ST6GALNAC1: variants seen among roughly 807,000 people sequenced by gnomAD.
The protein encoded by ST6GALNAC1 is ST6 N-acetylgalactosaminide alpha-2,6-sialyltransferase 1.
In ST6GALNAC1, 45 loss-of-function variants were observed where a neutral mutation model predicts 56.8. The ratio of observed to expected loss-of-function variants is 0.79; its 90% CI spans 0.62 to 1.02. The LOEUF (loss-of-function observed/expected upper bound fraction) is 1.02. Among genes scored for constraint, ST6GALNAC1 ranks in the 50% least tolerant of loss-of-function variants. The pLI is 0.00. For missense variants in ST6GALNAC1, 743 were observed against 754.8 expected, an observed-to-expected ratio of 0.98 and a Z score of 0.18; for synonymous variants, 295 against 297.8, an observed-to-expected ratio of 0.99 and a Z score of 0.10.
At chr17:76,620,844 C>T (rs930465487), downstream of ST6GALNAC1, among the ~76,000 whole-genome samples, 20 of 152,152 alleles carry the variant, frequency 1.3e-4, no homozygotes, top group African/African-American at 4.3e-4. Flanking sequence ...ATCCACCCGC[C>T]TCGGCCTCCC....
chr17:76,629,220 C>T lies in ST6GALNAC1; in HGVS notation c.623G>A (p.Gly208Glu), dbSNP rs748816365. 3.7e-6 allele frequency: 6 copies of T among 1,613,994 alleles called. No individual in the cohort carries two copies. In the Admixed American group the frequency reaches 5.0e-5, roughly 13 times the overall value. ...KSQHRMLAPT[G>E]AVSTRTRQKG... is the part of the protein sequence containing the mutation. ...CTGTCTCGTCCTTGTTGACACTGCT[C>T]CTGTGGGAGCCAGCATTCTGTGCTG... The change falls in exon 2 of 9, where the codon GGA becomes GAA. Residue 208 changes from glycine (G) to glutamate (E), a missense_variant. Physicochemically the swap from Gly to Glu is moderately conservative, Grantham distance 98. Transcript: ENST00000156626.
At chr17:76,622,524 C>G (rs1190575758), downstream of ST6GALNAC1, among the ~76,000 whole-genome samples, 3 of 152,022 alleles carry the variant, frequency 2.0e-5, no homozygotes, top group African/African-American at 7.2e-5. Flanking sequence ...GCCACCATGC[C>G]CAGCTAATTT....
rs765868173 is a variant in ST6GALNAC1, at chr17:76,626,742, C to T, written c.1220G>A (p.Arg407Gln). 28 of 1,613,980 alleles carry T rather than the reference C, an allele frequency of 1.7e-5. No individual in the cohort carries two copies. Among genetic ancestry groups the T allele is most frequent in the African/African-American group, 4.0e-5 (3 of 74,928 alleles). Residue 407 changes from arginine (R) to glutamine (Q), a missense_variant, in exon 5 of 9, where the codon CGG (arginine) becomes CAG (glutamine). Arg to Gln is a conservative substitution (Grantham distance 43). Transcript: ENST00000156626. ...GGCGGTAAAGCCGTAGAAGGATGTC[C>T]GAGTCCCCACATCCTGTTCGTAGCC... Reference protein sequence around the residue: ...IKGYEQDVGTRTSFYGFTAFS... With the variant: ...IKGYEQDVGTQTSFYGFTAFS...
chr17:76,620,214 A>G (rs2075727025), downstream of ST6GALNAC1, among the ~76,000 whole-genome samples: 1 of 148,396 alleles, frequency 6.7e-6, no homozygotes, highest in African/African-American at 2.5e-5. Context: ...CTAATTTTGT[A>G]TTTTTAGTGG....
chr17:76,625,503 C>T lies in ST6GALNAC1; in HGVS notation c.1630G>A (p.Glu544Lys), dbSNP rs2075783856. ...TGATCAGAAAAGCGCTCATGGCCCT[C>T]AGTGATGAAGCCATAAGCACTCACC... is the stretch of plus-strand genomic sequence containing the variant. ...DQVSAYGFIT[E>K]GHERFSDHYY... is the part of the protein sequence containing the mutation. The change falls in exon 9 of 9, where the codon GAG becomes AAG. Residue 544 changes from glutamate to lysine, a missense_variant. Transcript: ENST00000156626. The T allele has an allele frequency of 6.2e-7, 1 of 1,614,030 alleles. No individual in the cohort carries two copies. Among genetic ancestry groups the T allele is most frequent in the East Asian group, 2.2e-5 (1 of 44,874 alleles).
intron 1 of ST6GALNAC1, chr17:76,637,479 G>GT (rs780346236): frequency 7.9e-5 from 29 of 368,478 alleles, no homozygotes; most frequent in Non-Finnish European, 1.4e-4. Context: ...CATCTGTTCT[G>GT]TATTTTTATA....
chr17:76,640,949 CAA>C (rs1260004556), intron 1 of ST6GALNAC1, among the ~76,000 whole-genome samples: 1 of 152,102 alleles, frequency 6.6e-6, no homozygotes, highest in East Asian at 1.9e-4. Context: ...CTCTAAGAAA[CAA>C]AAAGAGGTGG....
chr17:76,638,405 C>G (rs985850473), intron 1 of ST6GALNAC1, among the ~76,000 whole-genome samples: 34 of 151,768 alleles, frequency 2.2e-4, no homozygotes, highest in African/African-American at 8.2e-4. Context: ...GAGACAGAGT[C>G]TTGCTGTGTC....
Position 76,625,874 on chromosome 17 carries a change from T to C in ST6GALNAC1, c.1550A>G (p.Tyr517Cys), listed in dbSNP as rs1598287800. The change falls in exon 8 of 9, where the codon TAC becomes TGC. Residue 517 changes from tyrosine to cysteine, a missense_variant. Tyr to Cys is a radical substitution (Grantham distance 194, BLOSUM62 -2). Transcript: ENST00000156626. Reference sequence around the variant, plus strand: ...CAGGAGGGCCCCAGTGGTGGGGCGGTATATCCTCCAGTGGGCACCATCCAG... The same window carrying C: ...CAGGAGGGCCCCAGTGGTGGGGCGGCATATCCTCCAGTGGGCACCATCCAG... ...KTLDGAHWRI[Y>C]RPTTGALLLL... 6.4e-7 allele frequency: 1 copy of C among 1,555,494 alleles called. No individual in the cohort carries two copies. Among genetic ancestry groups the C allele is most frequent in the South Asian group, 1.2e-5 (1 of 80,910 alleles).
intron 1 of ST6GALNAC1, among the ~76,000 whole-genome samples, chr17:76,632,262 C>T (rs1393867869): frequency 6.6e-6 from 1 of 152,114 alleles, no homozygotes; most frequent in Non-Finnish European, 1.5e-5. Flanking sequence ...TTCCCTATCT[C>T]GAACATTTTC....
downstream of ST6GALNAC1, among the ~76,000 whole-genome samples, chr17:76,620,581 C>CTT (rs557882355): frequency 2.8e-4 from 40 of 142,656 alleles, no homozygotes; most frequent in African/African-American, 4.6e-4. Flanking sequence ...CTTTGTGTTC[C>CTT]TTTTTTTTTT....
chr17:76,621,717 C>T (rs1367497671), downstream of ST6GALNAC1, among the ~76,000 whole-genome samples: 10 of 152,160 alleles, frequency 6.6e-5, no homozygotes, highest in East Asian at 5.8e-4. Flanking sequence ...TCAGGTGATC[C>T]GCCCGCCTCG....
chr17:76,622,412 T>A (rs2075750998), downstream of ST6GALNAC1, among the ~76,000 whole-genome samples: 1 of 152,204 alleles, frequency 6.6e-6, no homozygotes, highest in Non-Finnish European at 1.5e-5. Context: ...GTTACCAGGC[T>A]GGAGTGCAGT....
At chr17:76,618,196 A>G in the ST6GALNAC1 span, among the ~76,000 whole-genome samples, 1 of 152,208 alleles carries the variant, frequency 6.6e-6, no homozygotes, top group Admixed American at 6.5e-5. Context: ...TCAGGCTATC[A>G]GTATGGGGTA....
chr17:76,634,108 G>A lies in ST6GALNAC1; in HGVS notation c.132-4397C>T, dbSNP rs59540400. ...TAAATAATTTTGCACCTGGGCTCCC[G>A]CCTTCTATGGCATGGAGAGCGAGCG... On this transcript the variant is annotated intron_variant, in intron 1 of 8. Transcript: ENST00000156626. 1.6e-3 allele frequency among the ~76,000 whole-genome samples: 240 copies of A among 152,318 alleles called. 1 individual carries two copies. The highest frequency in any genetic ancestry group is 5.4e-3 in the African/African-American group (225 of 41,576).
chr17:76,619,567 A>T, the ST6GALNAC1 span, among the ~76,000 whole-genome samples: 137,147 of 152,162 alleles, frequency 0.9, 62,310 homozygotes, highest in Non-Finnish European at 0.96. Context: ...AATTGTTGAA[A>T]CCTGTAATTC....
chr17:76,621,186 C>CTTTTT (rs775271169), downstream of ST6GALNAC1, among the ~76,000 whole-genome samples: 297 of 110,028 alleles, frequency 2.7e-3, no homozygotes, highest in Middle Eastern at 6.3e-3. Context: ...TTCTTTCTTT[C>CTTTTT]TTTTTTTTTT....
chr17:76,641,759 A>C (rs1029366909), intron 1 of ST6GALNAC1: 5 of 152,168 alleles, frequency 3.3e-5, no homozygotes, highest in Non-Finnish European at 5.9e-5. Context: ...CAAGTGCTCA[A>C]AGGTATGTGA....
intron 1 of ST6GALNAC1, among the ~76,000 whole-genome samples, chr17:76,642,489 G>A (rs116957409): frequency 1.4e-3 from 217 of 152,284 alleles, no homozygotes; most frequent in Admixed American, 6.1e-3. Context: ...ATAGAATTCC[G>A]TGTACCCTCA....
Sources: allele counts gnomAD v4.1 joint callset (sites outside exome capture counted in the v4.1 genomes callset), GRCh38; gene constraint gnomAD v4.1.1; transcripts MANE v1.5; gene names NCBI Gene and HGNC (gene_info 2026-07-23, HGNC 2026-07-21).